The following SH3RF1 variants were observed in gnomAD, a reference collection of about 807,000 sequenced individuals.
SH3RF1 encodes E3 ubiquitin-protein ligase SH3RF1.
Under a neutral mutation model 74.0 loss-of-function variants are expected in SH3RF1, and 32 were observed. That is an observed-to-expected ratio of 0.43 (90% confidence interval 0.33 to 0.58). The LOEUF is 0.58. SH3RF1 is among the 20% of genes least tolerant of loss of function. SH3RF1 has a pLI of 0.05. For synonymous variants in SH3RF1, 396 were observed against 439.6 expected, an observed-to-expected ratio of 0.90 and a Z score of 1.24; for missense variants, 954 against 1,130.9, an observed-to-expected ratio of 0.84 and a Z score of 2.24.
At chr4:169,195,643 C>A (rs1245828771) in intron 2 of SH3RF1, among the ~76,000 whole-genome samples, 1 of 151,986 alleles carries the variant, frequency 6.6e-6, no homozygotes, top group African/African-American at 2.4e-5. Context: ...TCCATATTTT[C>A]TTTTACATAT....
chr4:169,135,726 T>C lies in SH3RF1; in HGVS notation c.1068+592A>G, dbSNP rs190624099. Among the ~76,000 whole-genome samples the C allele has an allele frequency of 1.7e-3, 254 of 152,290 alleles. 2 individuals carry two copies. The highest frequency in any genetic ancestry group is 5.9e-3 in the African/African-American group (244 of 41,562). ...TTGAATGAATGCCCCAGTCATCCCA[T>C]GTATTTTTATAAACCTAAGAATAAC... On this transcript the variant is annotated intron_variant, in intron 5 of 11. Transcript: ENST00000284637.
At chr4:169,139,535 C>T (rs976883024) in intron 4 of SH3RF1, among the ~76,000 whole-genome samples, 14 of 152,036 alleles carry the variant, frequency 9.2e-5, no homozygotes, top group African/African-American at 3.4e-4. Flanking sequence ...GTTTTCTTTC[C>T]TCCTTTCCTG....
chr4:169,208,519 T>A (rs1169105445), intron 2 of SH3RF1, among the ~76,000 whole-genome samples: 30 of 152,152 alleles, frequency 2.0e-4, no homozygotes, highest in Admixed American at 2.0e-3. Context: ...TATGATATAA[T>A]AATAAATAAT....
At chr4:169,119,278 ATT>A (rs11397253) in intron 8 of SH3RF1, among the ~76,000 whole-genome samples, 150 of 66,384 alleles carry the variant, frequency 2.3e-3, no homozygotes, top group African/African-American at 8.1e-3. Flanking sequence ...TAATTTTTGT[ATT>A]TTTTTTTTTT....
At chr4:169,199,218 G>A (rs1345693226) in intron 2 of SH3RF1, among the ~76,000 whole-genome samples, 1 of 152,130 alleles carries the variant, frequency 6.6e-6, no homozygotes, top group East Asian at 1.9e-4. Context: ...GGGTATGCAT[G>A]GACAATTTCA....
intron 4 of SH3RF1, among the ~76,000 whole-genome samples, chr4:169,155,044 A>G (rs1051651271): frequency 4.6e-5 from 7 of 152,218 alleles, no homozygotes; most frequent in African/African-American, 1.7e-4. Flanking sequence ...ACAAATATTT[A>G]TTGAAGCCCT....
In SH3RF1 at chr4:169,156,490, G is replaced by C; in HGVS notation, c.583C>G (p.Pro195Ala). 6.2e-7 allele frequency: 1 copy of C among 1,614,026 alleles called. No individual in the cohort carries two copies. Among genetic ancestry groups the C allele is most frequent in the Non-Finnish European group, 8.5e-7 (1 of 1,179,942 alleles). ...TNFVQIIKPL[P>A]QPPPQCKALY... ...GCTTTGCACTGAGGTGGGGGCTGAG[G>C]TAACGGTTTAATAATCTGCACAAAG... The change falls in exon 3 of 12, where the codon CCT (proline) becomes GCT (alanine). Residue 195 changes from proline (P) to alanine (A), a missense_variant. By Grantham distance (27) the Pro-to-Ala change is conservative. Transcript: ENST00000284637.
intron 2 of SH3RF1, among the ~76,000 whole-genome samples, chr4:169,256,343 G>T (rs1350537539): frequency 4.6e-5 from 7 of 151,546 alleles, no homozygotes; most frequent in Non-Finnish European, 1.0e-4. Context: ...GGGAGGGAGG[G>T]AGTATAGATA....
At chr4:169,103,651 T>C (rs59973343) in intron 11 of SH3RF1, among the ~76,000 whole-genome samples, 28,360 of 152,164 alleles carry the variant, frequency 0.19, 2,695 homozygotes, top group Middle Eastern at 0.22. Flanking sequence ...GTGAATAATA[T>C]AACATTTTCC....
intron 2 of SH3RF1, among the ~76,000 whole-genome samples, chr4:169,251,421 A>C (rs925612586): frequency 2.6e-5 from 4 of 152,216 alleles, no homozygotes; most frequent in Non-Finnish European, 4.4e-5. Flanking sequence ...AATCGTGCAC[A>C]AAACAAGATG....
chr4:169,215,376 C>T (rs1185908992), intron 2 of SH3RF1, among the ~76,000 whole-genome samples: 1 of 152,158 alleles, frequency 6.6e-6, no homozygotes, highest in Non-Finnish European at 1.5e-5. Context: ...AAGACTTATA[C>T]ACCTATGTTC....
chr4:169,171,920 A>G (rs1734335163), intron 2 of SH3RF1, among the ~76,000 whole-genome samples: 1 of 152,228 alleles, frequency 6.6e-6, no homozygotes, highest in Non-Finnish European at 1.5e-5. Flanking sequence ...CTTCTTCTCC[A>G]TCCGCACTGC....
intron 10 of SH3RF1, among the ~76,000 whole-genome samples, chr4:169,114,645 T>C (rs1268800235): frequency 6.6e-6 from 1 of 152,200 alleles, no homozygotes; most frequent in Admixed American, 6.5e-5. Context: ...CATCAAGCCT[T>C]AAAATCTAAA....
At chr4:169,198,989 C>T (rs1734866064) in intron 2 of SH3RF1, among the ~76,000 whole-genome samples, 2 of 152,120 alleles carry the variant, frequency 1.3e-5, no homozygotes, top group African/African-American at 4.8e-5. Flanking sequence ...TAAAGGAATA[C>T]TTTAAGGACA....
chr4:169,226,963 T>C (rs1157364422), intron 2 of SH3RF1, among the ~76,000 whole-genome samples: 4 of 152,104 alleles, frequency 2.6e-5, no homozygotes, highest in African/African-American at 4.8e-5. Flanking sequence ...GGCCAAGAGT[T>C]TGAGACCACC....
At chr4:169,154,317 G>A (rs1219286328) in intron 4 of SH3RF1, among the ~76,000 whole-genome samples, 1 of 152,180 alleles carries the variant, frequency 6.6e-6, no homozygotes, top group African/African-American at 2.4e-5. Flanking sequence ...ATATACAGTA[G>A]TCAAATTGAT....
chr4:169,184,601 C>A (rs1296189968), intron 2 of SH3RF1, among the ~76,000 whole-genome samples: 1 of 152,102 alleles, frequency 6.6e-6, no homozygotes, highest in African/African-American at 2.4e-5. Context: ...TCCACGGAGA[C>A]CACTAATTAA....
chr4:169,180,536 T>C (rs990444139), intron 2 of SH3RF1, among the ~76,000 whole-genome samples: 8 of 152,244 alleles, frequency 5.3e-5, no homozygotes, highest in Non-Finnish European at 1.0e-4. Context: ...GGCCGTTTAG[T>C]ATGCAGACTA....
intron 2 of SH3RF1, among the ~76,000 whole-genome samples, chr4:169,203,402 T>C (rs1734942334): frequency 6.6e-6 from 1 of 151,694 alleles, no homozygotes; most frequent in Admixed American, 6.6e-5. Flanking sequence ...AATACAAAAA[T>C]TAGCCAGGCA....
Sources: allele counts gnomAD v4.1 joint callset (sites outside exome capture counted in the v4.1 genomes callset), GRCh38; gene constraint gnomAD v4.1.1; transcripts MANE v1.5; gene names NCBI Gene and HGNC (gene_info 2026-07-23, HGNC 2026-07-21).